Variants in STK33 observed in about 807,000 individuals in gnomAD.
STK33 encodes the protein serine/threonine-protein kinase 33.
STK33 carries 52 observed loss-of-function variants against 58.0 expected under a neutral mutation model. That is an observed-to-expected ratio of 0.90 (90% CI 0.72 to 1.13). The LOEUF (loss-of-function observed/expected upper bound fraction) is 1.13, where lower values mean the gene tolerates loss of function less well. STK33 is among the 50% of genes most tolerant of loss of function. STK33 has a pLI of 0.00. For missense variants in STK33, 630 were observed against 604.2 expected (o/e 1.04, Z -0.45); for synonymous variants, 215 against 200.1 (o/e 1.07, Z -0.63).
At chr11:8,344,351 C>T in the STK33 span, among the ~76,000 whole-genome samples, 1 of 152,124 alleles carries the variant, frequency 6.6e-6, no homozygotes, top group South Asian at 2.1e-4. Context: ...CACTGCACTC[C>T]AACCTGGGTG....
chr11:8,409,436 G>A (rs1939830024), intron 15 of STK33, among the ~76,000 whole-genome samples: 1 of 152,160 alleles, frequency 6.6e-6, no homozygotes. Context: ...CAGAATAACG[G>A]CCAAGACCAA....
At chr11:8,382,474 G>A in the STK33 span, among the ~76,000 whole-genome samples, 5 of 152,252 alleles carry the variant, frequency 3.3e-5, no homozygotes, top group East Asian at 1.9e-4. Flanking sequence ...AGGGGAGGGC[G>A]CTCAGAGTCT....
intron 1 of STK33, among the ~76,000 whole-genome samples, chr11:8,514,026 G>C (rs61880274): frequency 0.1 from 15,108 of 149,514 alleles, 897 homozygotes; most frequent in Non-Finnish European, 0.12. Flanking sequence ...GAGTTTACTT[G>C]TCTTAGTATT....
At chr11:8,514,973 G>A (rs1260390281) in intron 1 of STK33, among the ~76,000 whole-genome samples, 1 of 151,936 alleles carries the variant, frequency 6.6e-6, no homozygotes, top group Non-Finnish European at 1.5e-5. Context: ...TGAACAAAAG[G>A]ACATTAAAGA....
chr11:8,479,362 G>A (rs1949589947), intron 2 of STK33, among the ~76,000 whole-genome samples: 1 of 151,672 alleles, frequency 6.6e-6, no homozygotes, highest in Non-Finnish European at 1.5e-5. Context: ...GAACCCAGAA[G>A]GCGGAGATTG....
chr11:8,353,231 T>G, the STK33 span, among the ~76,000 whole-genome samples: 1 of 152,190 alleles, frequency 6.6e-6, no homozygotes, highest in African/African-American at 2.4e-5. Context: ...ACACCCTTCC[T>G]GGGTCAGCAA....
intron 1 of STK33, among the ~76,000 whole-genome samples, chr11:8,511,588 C>G (rs895435430): frequency 6.6e-6 from 1 of 152,148 alleles, no homozygotes. Context: ...AACTTTTCCC[C>G]ATTCAATATG....
intron 1 of STK33, among the ~76,000 whole-genome samples, chr11:8,525,159 G>C (rs1323807149): frequency 2.6e-5 from 4 of 152,136 alleles, no homozygotes; most frequent in Non-Finnish European, 5.9e-5. Context: ...GAAAGATTCA[G>C]TATTTTTTAA....
the STK33 span, among the ~76,000 whole-genome samples, chr11:8,376,546 T>C: frequency 6.6e-6 from 1 of 151,976 alleles, no homozygotes; most frequent in Non-Finnish European, 1.5e-5. Context: ...TTGATTCTTT[T>C]TTCTTTTTTT....
chr11:8,470,346 C>T (rs919449870), intron 6 of STK33, among the ~76,000 whole-genome samples: 6 of 152,220 alleles, frequency 3.9e-5, no homozygotes, highest in Non-Finnish European at 7.3e-5. Context: ...AATGTCCTCA[C>T]TTCTCTCCCC....
chr11:8,346,143 C>T, the STK33 span, among the ~76,000 whole-genome samples: 2 of 152,162 alleles, frequency 1.3e-5, no homozygotes, highest in East Asian at 1.9e-4. Flanking sequence ...TGGTGTCGTG[C>T]CCTGGAGCTA....
intron 1 of STK33, among the ~76,000 whole-genome samples, chr11:8,575,613 G>A (rs964648798): frequency 1.3e-5 from 2 of 152,162 alleles, no homozygotes; most frequent in African/African-American, 4.8e-5. Flanking sequence ...AGAATGGGGT[G>A]CTTAATGCTA....
At chr11:8,339,223 C>T in the STK33 span, among the ~76,000 whole-genome samples, 1 of 152,168 alleles carries the variant, frequency 6.6e-6, no homozygotes, top group Non-Finnish European at 1.5e-5. Flanking sequence ...TAATGCACGC[C>T]TCCGAGTGAT....
rs1947008806 is a variant in STK33 at position 8,457,483 on chromosome 11, A to T, written c.559-4T>A. ...GCTCCATCACAAGGTACATTTTCTG[A>T]CATTATATATATAAAAGAGAGAGAG... On this transcript the variant is annotated splice_region_variant and splice_polypyrimidine_tract_variant and intron_variant, in intron 8 of 15. Coordinates refer to ENST00000687296, the MANE Select transcript of STK33 (RefSeq NM_001352389.2). The T allele has an allele frequency of 3.1e-6, 5 of 1,589,736 alleles. No homozygotes were observed. Among genetic ancestry groups the T allele is most frequent in the Non-Finnish European group, 4.3e-6 (5 of 1,163,180 alleles).
the STK33 span, among the ~76,000 whole-genome samples, chr11:8,367,088 AAC>A: frequency 7.9e-5 from 12 of 152,364 alleles, no homozygotes; most frequent in African/African-American, 1.7e-4. Context: ...GAGTTTATGT[AAC>A]AGTTTATGTG....
the STK33 span, among the ~76,000 whole-genome samples, chr11:8,385,813 T>C: frequency 6.6e-6 from 1 of 152,064 alleles, no homozygotes; most frequent in East Asian, 1.9e-4. Flanking sequence ...CTCGCTCTTT[T>C]GCCCAGGCTG....
the STK33 span, among the ~76,000 whole-genome samples, chr11:8,361,971 G>C: frequency 6.6e-6 from 1 of 152,216 alleles, no homozygotes; most frequent in African/African-American, 2.4e-5. This position sits in a 1 kb window ranked among gnomAD's most constrained non-coding sequence, Gnocchi z 4.8. Context: ...ACCTCCCCAG[G>C]ACGGTTCAGT....
intron 1 of STK33, among the ~76,000 whole-genome samples, chr11:8,577,508 C>T (rs1958272819): frequency 6.6e-6 from 1 of 151,982 alleles, no homozygotes; most frequent in Admixed American, 6.6e-5. Flanking sequence ...TTTGATTCTG[C>T]CATGTCACCT....
chr11:8,436,142 G>A lies in STK33; in HGVS notation c.948-3C>T. The A allele has an allele frequency of 3.3e-6, 5 of 1,511,890 alleles. No homozygotes were observed. Among genetic ancestry groups the A allele is most frequent in the South Asian group, 1.3e-5 (1 of 76,914 alleles). The allele number at this position is 1,511,890 out of a possible 1,614,324, so 93.7% of individuals were successfully genotyped here. On this transcript the variant is annotated splice_polypyrimidine_tract_variant and splice_region_variant and intron_variant, in intron 12 of 15. Transcript: ENST00000687296. ...AAAAGGGTGGTTCTCCACGTAATCT[G>A]CAACAAAGGCAATCACTTTGTTTAA... is the stretch of plus-strand genomic sequence containing the variant.
Sources: gnomAD v4.1 joint callset for allele counts (sites outside exome capture counted in the v4.1 genomes callset) on GRCh38, gnomAD v4.1.1 for gene constraint, Gnocchi (gnomAD v3.1) non-coding constraint, MANE v1.5 for transcripts, NCBI Gene and HGNC (gene_info 2026-07-23, HGNC 2026-07-21) for gene names.